MDGA2: variants seen among roughly 807,000 people sequenced by gnomAD.
MDGA2 encodes the protein MAM domain containing glycosylphosphatidylinositol anchor 2.
MDGA2 carries 40 observed loss-of-function variants against 117.8 expected under a neutral mutation model. That is an observed-to-expected ratio of 0.34 (90% CI 0.26 to 0.44). MDGA2 has a LOEUF of 0.44. MDGA2 is among the 20% of genes least tolerant of loss of function. The pLI, the probability that MDGA2 is intolerant of heterozygous loss-of-function variation, is 1.00. For synonymous variants in MDGA2, 452 were observed against 439.0 expected (o/e 1.03, Z -0.37); for missense variants, 1,123 against 1,250.6 (o/e 0.90, Z 1.54).
At chr14:47,150,799 C>T (rs921104984) in intron 3 of MDGA2, among the ~76,000 whole-genome samples, 7 of 151,920 alleles carry the variant, frequency 4.6e-5, no homozygotes, top group South Asian at 2.1e-4. Flanking sequence ...TGGTGCATGC[C>T]TGTAATCCCA....
intron 1 of MDGA2, among the ~76,000 whole-genome samples, chr14:47,495,871 A>G (rs975009540): frequency 1.4e-4 from 21 of 152,156 alleles, no homozygotes; most frequent in African/African-American, 4.8e-4. Flanking sequence ...TACCCATTTC[A>G]TTGTTCTTTC....
At chr14:47,468,766 G>A (rs1893656494) in intron 1 of MDGA2, among the ~76,000 whole-genome samples, 2 of 151,860 alleles carry the variant, frequency 1.3e-5, no homozygotes, top group East Asian at 1.9e-4. Context: ...CACCTCTTTT[G>A]GATATAATGG....
At chr14:47,008,360 T>C (rs1475227552) in intron 8 of MDGA2, among the ~76,000 whole-genome samples, 1 of 151,876 alleles carries the variant, frequency 6.6e-6, no homozygotes, top group Non-Finnish European at 1.5e-5. Context: ...ATGTTATTGT[T>C]CTCCTAATTG....
chr14:47,075,634 C>T (rs1424248368), intron 6 of MDGA2, among the ~76,000 whole-genome samples: 1 of 152,104 alleles, frequency 6.6e-6, no homozygotes, highest in Non-Finnish European at 1.5e-5. Flanking sequence ...TAAAGAGGCA[C>T]TATATCACCA....
chr14:47,584,529 A>ATT (rs1896288088), intron 1 of MDGA2, among the ~76,000 whole-genome samples: 1 of 151,802 alleles, frequency 6.6e-6, no homozygotes, highest in Non-Finnish European at 1.5e-5. Context: ...TATTTCTTAA[A>ATT]TATCTTAAAA....
chr14:47,267,170 A>G (rs1428531601), intron 2 of MDGA2, among the ~76,000 whole-genome samples: 2 of 152,184 alleles, frequency 1.3e-5, no homozygotes, highest in East Asian at 3.8e-4. Flanking sequence ...GGGAAATGAC[A>G]CAGTAAAAGC....
intron 8 of MDGA2, among the ~76,000 whole-genome samples, chr14:47,021,504 C>T (rs1888285085): frequency 1.3e-5 from 2 of 152,096 alleles, no homozygotes; most frequent in South Asian, 4.1e-4. Context: ...ATTATGTATG[C>T]CTCTAGCCTT....
intron 10 of MDGA2, among the ~76,000 whole-genome samples, chr14:46,918,899 C>G (rs1409507803): frequency 1.3e-5 from 2 of 151,764 alleles, no homozygotes; most frequent in East Asian, 3.9e-4. Context: ...GTAGCTGGGA[C>G]TACAGGCGCC....
intron 2 of MDGA2, 114 bp downstream of exon 2, chr14:47,301,297 A>ACC (rs1339796983): frequency 0.13 from 275 of 2,184 alleles, 1 homozygote; most frequent in South Asian, 0.46. Flanking sequence ...ACACCCACCC[A>ACC]CACACACACA....
rs568288632 is a variant in MDGA2, at chr14:47,234,966, G to T, written c.421-16771C>A. Reference sequence around the variant, plus strand: ...TTCATATGTGTAACAATTTGAACACGTAATTATGATATCTAATTATATAAT... The same window carrying T: ...TTCATATGTGTAACAATTTGAACACTTAATTATGATATCTAATTATATAAT... On this transcript the variant is annotated intron_variant, in intron 2 of 16. Coordinates refer to ENST00000399232, the MANE Select transcript of MDGA2 (RefSeq NM_001113498.3). Among the ~76,000 whole-genome samples the T allele has an allele frequency of 3.9e-5, 6 of 152,170 alleles. No individual in the cohort carries two copies. The South Asian group carries it at 1.2e-3, about 32-fold the overall frequency.
intron 1 of MDGA2, among the ~76,000 whole-genome samples, chr14:47,548,755 T>C (rs1175631004): frequency 6.7e-6 from 1 of 149,504 alleles, no homozygotes; most frequent in Non-Finnish European, 1.5e-5. Context: ...ACCCTGAATG[T>C]GGCCAGCGTG....
At chr14:47,105,991 C>A (rs186730327) in intron 5 of MDGA2, among the ~76,000 whole-genome samples, 5 of 151,404 alleles carry the variant, frequency 3.3e-5, no homozygotes, top group East Asian at 2.0e-4. Flanking sequence ...AGCCCTCCCC[C>A]TCCTGCCCAG....
At chr14:47,103,719 G>A (rs967960875) in intron 5 of MDGA2, among the ~76,000 whole-genome samples, 4 of 152,162 alleles carry the variant, frequency 2.6e-5, no homozygotes, top group African/African-American at 4.8e-5. Context: ...GAAGAGATGC[G>A]ATTCATATGA....
At chr14:47,057,296 C>T (rs1410538620) in intron 7 of MDGA2, among the ~76,000 whole-genome samples, 1 of 152,068 alleles carries the variant, frequency 6.6e-6, no homozygotes, top group East Asian at 1.9e-4. Context: ...TCCGATCAAG[C>T]TTTAAGCACA....
At chr14:47,131,872 G>T (rs761552158) in intron 4 of MDGA2, 26 bp from the exon 5 acceptor site, 1 of 1,511,456 alleles carries the variant, frequency 6.6e-7, no homozygotes, top group African/African-American at 1.4e-5. Flanking sequence ...AAAAATAAAA[G>T]TCATTAGAAA....
Position 47,200,212 on chromosome 14 carries a change from G to C in MDGA2, c.595+17809C>G, listed in dbSNP as rs545793804. 4.4e-4 allele frequency among the ~76,000 whole-genome samples: 67 copies of C among 151,984 alleles called. 1 individual carries two copies. Among genetic ancestry groups the C allele is most frequent in the African/African-American group, 1.5e-3 (64 of 41,498 alleles). On this transcript the variant is annotated intron_variant, in intron 3 of 16. Transcript: ENST00000399232. ...AAGGAAGAAGAAAGAACCTAATAGT[G>C]GAGAAGCCTTAGCACAAAAAAATCA...
rs1001614419 is a variant in MDGA2 at position 46,855,497 on chromosome 14, A to G, written c.2753-343T>C. ...GAGGCAGAGGGAGATTTGATACAGGAAAGAAGGCCATGAGAGATAGAGATG... is the reference window on the plus strand; with the variant it reads ...GAGGCAGAGGGAGATTTGATACAGGGAAGAAGGCCATGAGAGATAGAGATG... On this transcript the variant is annotated intron_variant, in intron 14 of 16. Coordinates refer to ENST00000399232, the MANE Select transcript of MDGA2 (RefSeq NM_001113498.3). The surrounding 1 kb of genome is among the most constrained non-coding windows in gnomAD (Gnocchi z 4.1). Among the ~76,000 whole-genome samples, 1 of 152,104 alleles carries G rather than the reference A, an allele frequency of 6.6e-6. No homozygotes were observed. Among genetic ancestry groups the G allele is most frequent in the African/African-American group, 2.4e-5 (1 of 41,446 alleles).
At chr14:47,182,988 T>C (rs1346782111) in intron 3 of MDGA2, among the ~76,000 whole-genome samples, 2 of 152,182 alleles carry the variant, frequency 1.3e-5, no homozygotes, top group Non-Finnish European at 2.9e-5. Flanking sequence ...TGATAATGTC[T>C]AATTATTTTT....
chr14:47,525,664 G>A (rs996674313), intron 1 of MDGA2, among the ~76,000 whole-genome samples: 9 of 151,700 alleles, frequency 5.9e-5, no homozygotes, highest in Admixed American at 1.3e-4. Context: ...CACCCTGGAC[G>A]ACAGTGAGAC....
Sources: gnomAD v4.1 joint callset for allele counts (sites outside exome capture counted in the v4.1 genomes callset) on GRCh38, gnomAD v4.1.1 for gene constraint, Gnocchi (gnomAD v3.1) non-coding constraint, MANE v1.5 for transcripts, NCBI Gene and HGNC (gene_info 2026-07-23, HGNC 2026-07-21) for gene names.